The following SUCO variants were observed in gnomAD, a reference collection of about 807,000 sequenced individuals.
SUCO encodes the protein SUN domain-containing ossification factor.
In SUCO, 57 loss-of-function variants were observed where a neutral mutation model predicts 148.1. That is an observed-to-expected ratio of 0.38 (90% CI 0.31 to 0.48). The LOEUF (loss-of-function observed/expected upper bound fraction) is 0.48, where lower values mean the gene tolerates loss of function less well. Among genes scored for constraint, SUCO ranks in the 20% least tolerant of loss-of-function variants. The pLI, the probability that SUCO is intolerant of heterozygous loss-of-function variation, is 0.96. For missense variants in SUCO, 1,331 were observed against 1,468.2 expected (o/e 0.91, Z 1.53); for synonymous variants, 470 against 502.7 (o/e 0.93, Z 0.87).
At chr1:172,591,510 A>G (rs949154570) in intron 19 of SUCO, among the ~76,000 whole-genome samples, 5 of 139,786 alleles carry the variant, frequency 3.6e-5, no homozygotes, top group Non-Finnish European at 6.0e-5. Flanking sequence ...ATTCCCACCT[A>G]TGAGTGAGAA....
intron 13 of SUCO, 59 bp downstream of exon 13, chr1:172,577,878 C>A: frequency 1.5e-6 from 2 of 1,324,676 alleles, no homozygotes; most frequent in African/African-American, 1.5e-5. Flanking sequence ...ACAAAATTTT[C>A]GATATATTTA....
chr1:172,557,073 A>G, intron 4 of SUCO: 5 of 979,282 alleles, frequency 5.1e-6, no homozygotes, highest in Non-Finnish European at 6.1e-6. Flanking sequence ...CTTATTTTTG[A>G]AAGACCAAAT....
chr1:172,555,301 A>T (rs1653651946), intron 3 of SUCO: 5 of 702,938 alleles, frequency 7.1e-6, no homozygotes, highest in Non-Finnish European at 8.7e-6. Flanking sequence ...TTTAGGGTTG[A>T]TCTTGGAGGA....
At chr1:172,534,820 C>A (rs1194884727) in intron 1 of SUCO, among the ~76,000 whole-genome samples, 1 of 152,150 alleles carries the variant, frequency 6.6e-6, no homozygotes, top group Non-Finnish European at 1.5e-5. Context: ...TATTTGTAGA[C>A]TGTGTATTTT....
At position 172,589,163 on chromosome 1, in the gene SUCO, A is replaced by G; in HGVS notation, c.2062A>G (p.Thr688Ala). 2.5e-6 allele frequency: 4 copies of G among 1,613,972 alleles called. No homozygotes were observed. Among genetic ancestry groups the G allele is most frequent in the Non-Finnish European group, 3.4e-6 (4 of 1,179,918 alleles). ...ACCTCTGAGTGGAGAATTGGAAAAT[A>G]CGAATATAGAAAGGGAAGCTGAAAC... ...LQPLSGELEN[T>A]NIEREAETVV... is the part of the protein sequence containing the mutation. Residue 688 changes from threonine (T) to alanine (A), a missense_variant, in exon 18 of 24, where the codon ACG becomes GCG. By Grantham distance (58) the Thr-to-Ala change is moderately conservative (BLOSUM62 0). This residue lies in a region of SUCO where 992 missense variants were observed against 1,093.5 expected (regional missense o/e 0.91). Transcript: ENST00000263688.
chr1:172,535,927 G>A (rs1394279817), intron 1 of SUCO, among the ~76,000 whole-genome samples: 1 of 152,094 alleles, frequency 6.6e-6, no homozygotes, highest in Admixed American at 6.5e-5. Flanking sequence ...TTTCATCTAT[G>A]TCATTATTAA....
chr1:172,572,772 CTG>C (rs1655141611), intron 9 of SUCO, among the ~76,000 whole-genome samples: 1 of 138,824 alleles, frequency 7.2e-6, no homozygotes, highest in Admixed American at 7.2e-5. Flanking sequence ...TTCTGGGTGA[CTG>C]TTAGATATTA....
At chr1:172,549,752 T>C (rs1207868315) in intron 1 of SUCO, among the ~76,000 whole-genome samples, 1 of 151,960 alleles carries the variant, frequency 6.6e-6, no homozygotes, top group Non-Finnish European at 1.5e-5. Context: ...ACCCTAATAC[T>C]TAACGATTAT....
intron 6 of SUCO, among the ~76,000 whole-genome samples, chr1:172,566,054 G>T (rs1461006058): frequency 2.0e-5 from 3 of 152,198 alleles, no homozygotes; most frequent in Non-Finnish European, 2.9e-5. Context: ...TTGCACAGGG[G>T]CTGGTAACCT....
chr1:172,586,165 T>TG (rs34300126), intron 17 of SUCO, among the ~76,000 whole-genome samples: 2,992 of 151,694 alleles, frequency 0.02, 93 homozygotes, highest in African/African-American at 0.066. Context: ...AAACTTTTTT[T>TG]GGGGGGGGTA....
At chr1:172,599,975 A>C in intron 19 of SUCO, 89 bp from the exon 20 acceptor site, 1 of 877,846 alleles carries the variant, frequency 1.1e-6, no homozygotes, top group East Asian at 3.0e-5. Flanking sequence ...GGAATAACTT[A>C]ATGGTTTTTT....
At chr1:172,576,168 A>C (rs896336247) in intron 11 of SUCO, among the ~76,000 whole-genome samples, 9 of 151,846 alleles carry the variant, frequency 5.9e-5, no homozygotes, top group Non-Finnish European at 1.2e-4. Context: ...CCAACTAATT[A>C]AGTAAAATTA....
At chr1:172,550,161 A>C (rs2516063) in intron 1 of SUCO, among the ~76,000 whole-genome samples, 5,153 of 151,942 alleles carry the variant, frequency 0.034, 263 homozygotes, top group African/African-American at 0.12. Context: ...TTTCATATAG[A>C]TCTAGCCCCT....
rs1402680319 is a variant in SUCO, at chr1:172,609,839, T to A, written c.3345T>A (p.Ile1115=). The A allele has an allele frequency of 6.3e-7, 1 of 1,595,998 alleles. No homozygotes were observed. The highest frequency in any genetic ancestry group is 1.4e-5 in the African/African-American group (1 of 73,438). Reference sequence around the variant, plus strand: ...AGAAGAAGCGCTGCAAGTACAAAATTGAAAAAATTGAGACCATAAAGCCTG... The same window carrying A: ...AGAAGAAGCGCTGCAAGTACAAAATAGAAAAAATTGAGACCATAAAGCCTG... ...EKKKKRCKYK[I]EKIETIKPEE... The change falls in exon 24 of 24, where the codon ATT becomes ATA. Residue 1115 remains isoleucine, a synonymous_variant. Coordinates refer to ENST00000263688, the MANE Select transcript of SUCO (RefSeq NM_014283.5).
Position 172,602,107 on chromosome 1 carries a change from G to T in SUCO, c.3062G>T (p.Cys1021Phe). The T allele has an allele frequency of 6.2e-7, 1 of 1,612,728 alleles. No homozygotes were observed. The highest frequency in any genetic ancestry group is 1.3e-5 in the African/African-American group (1 of 74,914). The change falls in exon 21 of 24, where the codon TGT becomes TTT. Residue 1021 changes from cysteine to phenylalanine, a missense_variant. Around this residue, in one of 3 missense-constraint regions of SUCO, gnomAD observed 334 missense variants for 352.3 expected, o/e 0.95. Coordinates refer to ENST00000263688, the MANE Select transcript of SUCO (RefSeq NM_014283.5). ...QSYLVISLVL[C>F]VVLGLMLCMQ... ...TATCTTGTCATATCTTTGGTTCTTT[G>T]TGTTGTCTTGGGACTGATGCTTTGT...
intron 10 of SUCO, among the ~76,000 whole-genome samples, chr1:172,574,406 G>A (rs1655272583): frequency 6.6e-6 from 1 of 151,862 alleles, no homozygotes; most frequent in African/African-American, 2.4e-5. Context: ...ATGTGTAGGT[G>A]CTTTATGAGG....
At chr1:172,561,290 A>G (rs1654132217) in intron 6 of SUCO, among the ~76,000 whole-genome samples, 1 of 152,176 alleles carries the variant, frequency 6.6e-6, no homozygotes, top group Admixed American at 6.5e-5. Context: ...GATTTCATTC[A>G]GTGGGGGGAG....
chr1:172,581,483 C>G (rs1655880662), intron 15 of SUCO, among the ~76,000 whole-genome samples: 1 of 152,164 alleles, frequency 6.6e-6, no homozygotes, highest in African/African-American at 2.4e-5. Flanking sequence ...CTTGGCCTAA[C>G]ACTGCTGCCT....
In SUCO at chr1:172,566,110, A is replaced by G. The variant is rs78766901; in HGVS notation, c.733-2909A>G. Among the ~76,000 whole-genome samples, 1,446 of 152,322 alleles carry G rather than the reference A, an allele frequency of 9.5e-3. 17 individuals carry two copies. The highest frequency in any genetic ancestry group is 0.024 in the Middle Eastern group (7 of 294). On this transcript the variant is annotated intron_variant, in intron 6 of 23. Coordinates refer to ENST00000263688, the MANE Select transcript of SUCO (RefSeq NM_014283.5). Reference sequence around the variant, plus strand: ...AGTGGGTCCCATATGAGGCAGTGGCATTATGGCCACTTGCTCGTCTGCTCA... The same window carrying G: ...AGTGGGTCCCATATGAGGCAGTGGCGTTATGGCCACTTGCTCGTCTGCTCA...
Sources: allele counts gnomAD v4.1 joint callset (sites outside exome capture counted in the v4.1 genomes callset), GRCh38; gene constraint gnomAD v4.1.1; regional missense constraint gnomAD v4.1.1; transcripts MANE v1.5; gene names NCBI Gene and HGNC (gene_info 2026-07-23, HGNC 2026-07-21).